SPIDR: variants seen among roughly 807,000 people sequenced by gnomAD.
SPIDR encodes DNA repair-scaffolding protein.
A neutral mutation model predicts 104.6 loss-of-function variants in SPIDR; 93 were observed. The ratio of observed to expected loss-of-function variants is 0.89; its 90% CI spans 0.75 to 1.06. The LOEUF is 1.06. SPIDR is among the 50% of genes least tolerant of loss of function. The pLI is 0.00. For missense variants in SPIDR, 1,154 were observed against 1,111.2 expected (o/e 1.04, Z -0.55); for synonymous variants, 431 against 416.9 (o/e 1.03, Z -0.41).
chr8:47,607,245 G>A (rs905145391), intron 10 of SPIDR, among the ~76,000 whole-genome samples: 8 of 152,130 alleles, frequency 5.3e-5, no homozygotes, highest in African/African-American at 1.9e-4. Flanking sequence ...TGATGCCATA[G>A]CCCATGCCTT....
Position 47,477,198 on chromosome 8 carries a change from G to A in SPIDR, c.1097+36656G>A, listed in dbSNP as rs538746345. 2.7e-4 allele frequency among the ~76,000 whole-genome samples: 40 copies of A among 150,576 alleles called. No homozygotes were observed. In the East Asian group the frequency reaches 2.9e-3, roughly 11 times the overall value. ...ACCAGAGTCTGTATATAGAAGATGC[G>A]CAATATATTTTTTTTTTTTGAGACA... On this transcript the variant is annotated intron_variant, in intron 8 of 19. Transcript: ENST00000297423.
At chr8:47,588,184 A>C (rs2060532160) in intron 8 of SPIDR, among the ~76,000 whole-genome samples, 1 of 147,094 alleles carries the variant, frequency 6.8e-6, no homozygotes, top group African/African-American at 2.5e-5. Flanking sequence ...TGGCATCTTT[A>C]TGATTTTGAG....
chr8:47,416,200 G>A lies in SPIDR; in HGVS notation c.877+8239G>A, dbSNP rs1209683329. Among the ~76,000 whole-genome samples, 5 of 152,160 alleles carry A rather than the reference G, an allele frequency of 3.3e-5. No individual in the cohort carries two copies. In the South Asian group the frequency reaches 8.3e-4, roughly 25 times the overall value. Reference sequence around the variant, plus strand: ...AGAGTTTGCAGTGAGCCGAGATGGCGCCACTGCACTCCAGCCTGGGTGACA... The same window carrying A: ...AGAGTTTGCAGTGAGCCGAGATGGCACCACTGCACTCCAGCCTGGGTGACA... On this transcript the variant is annotated intron_variant, in intron 7 of 19. Coordinates refer to ENST00000297423, the MANE Select transcript of SPIDR (RefSeq NM_001080394.4).
chr8:47,651,851 G>A (rs898482677), intron 10 of SPIDR, among the ~76,000 whole-genome samples: 1 of 152,126 alleles, frequency 6.6e-6, no homozygotes, highest in Non-Finnish European at 1.5e-5. Flanking sequence ...AGTAACTCAG[G>A]AATGGAAAAC....
At chr8:47,347,544 G>A (rs1259443648) in intron 5 of SPIDR, among the ~76,000 whole-genome samples, 4 of 152,094 alleles carry the variant, frequency 2.6e-5, no homozygotes, top group African/African-American at 9.7e-5. Context: ...ATTGACAGTG[G>A]GGTGTTAAAG....
At chr8:47,512,347 TGGTCCA>T (rs1428073934) in intron 8 of SPIDR, among the ~76,000 whole-genome samples, 3 of 152,220 alleles carry the variant, frequency 2.0e-5, no homozygotes, top group Non-Finnish European at 4.4e-5. Context: ...CTATGGTGAT[TGGTCCA>T]CTGAGGATTG....
chr8:47,588,787 G>A (rs914489282), intron 8 of SPIDR, among the ~76,000 whole-genome samples: 9 of 152,072 alleles, frequency 5.9e-5, no homozygotes, highest in Admixed American at 1.3e-4. Flanking sequence ...AAGGATGGAC[G>A]TTGAATTATG....
At chr8:47,261,071 G>A (rs550844011) in intron 1 of SPIDR, 80 bp downstream of exon 1, 1 of 1,215,120 alleles carries the variant, frequency 8.2e-7, no homozygotes, top group African/African-American at 1.6e-5. Context: ...GGCTGGCCCC[G>A]TTGTGCTGGG....
intron 19 of SPIDR, among the ~76,000 whole-genome samples, chr8:47,730,924 C>T (rs753099566): frequency 3.9e-5 from 6 of 152,182 alleles, no homozygotes; most frequent in Non-Finnish European, 8.8e-5. Flanking sequence ...TTGAGGATCA[C>T]AAGTGACTAT....
intron 1 of SPIDR, among the ~76,000 whole-genome samples, chr8:47,271,097 C>T (rs1292728862): frequency 1.3e-5 from 2 of 151,960 alleles, no homozygotes; most frequent in African/African-American, 4.8e-5. Flanking sequence ...TATTGAGGAT[C>T]CTTTGTATAT....
At chr8:47,617,232 G>T (rs966767108) in intron 10 of SPIDR, among the ~76,000 whole-genome samples, 1 of 152,110 alleles carries the variant, frequency 6.6e-6, no homozygotes, top group African/African-American at 2.4e-5. Flanking sequence ...AGAAAATTAA[G>T]CTATTTTTAA....
intron 5 of SPIDR, among the ~76,000 whole-genome samples, chr8:47,315,163 C>CA (rs1217222651): frequency 4.6e-5 from 7 of 151,988 alleles, no homozygotes; most frequent in African/African-American, 1.2e-4. Context: ...AAAACCTAGA[C>CA]AAAAAATCAG....
intron 8 of SPIDR, among the ~76,000 whole-genome samples, chr8:47,470,615 C>T (rs1554720320): frequency 1.3e-5 from 2 of 152,114 alleles, no homozygotes; most frequent in African/African-American, 4.8e-5. Flanking sequence ...TATGATCATT[C>T]AATATGAAGA....
chr8:47,328,129 A>G (rs1034672015), intron 5 of SPIDR, among the ~76,000 whole-genome samples: 2 of 152,064 alleles, frequency 1.3e-5, no homozygotes, highest in Admixed American at 6.6e-5. Flanking sequence ...GTCATATCTA[A>G]GAAACAATTG....
At chr8:47,291,258 G>T (rs1364088566) in intron 4 of SPIDR, 121 bp downstream of exon 4, 1 of 574,672 alleles carries the variant, frequency 1.7e-6, no homozygotes, top group Non-Finnish European at 2.9e-6. Flanking sequence ...TTAAATATTG[G>T]ATTTAATATT....
intron 11 of SPIDR, among the ~76,000 whole-genome samples, chr8:47,686,627 G>T (rs1039072119): frequency 1.3e-5 from 2 of 152,054 alleles, no homozygotes; most frequent in African/African-American, 4.8e-5. Flanking sequence ...TGTGAGCTGG[G>T]TCTTAAGACA....
chr8:47,426,998 G>GAA (rs2066517574), intron 7 of SPIDR, among the ~76,000 whole-genome samples: 1 of 152,072 alleles, frequency 6.6e-6, no homozygotes, highest in Non-Finnish European at 1.5e-5. Flanking sequence ...AAGCCTAAGA[G>GAA]AATAAAGTAT....
intron 5 of SPIDR, among the ~76,000 whole-genome samples, chr8:47,338,535 T>A (rs1257706173): frequency 6.6e-6 from 1 of 152,184 alleles, no homozygotes; most frequent in Non-Finnish European, 1.5e-5. Flanking sequence ...AATACTAGTG[T>A]TGTTGCCTTT....
At chr8:47,338,238 C>G (rs2050124090) in intron 5 of SPIDR, among the ~76,000 whole-genome samples, 1 of 152,170 alleles carries the variant, frequency 6.6e-6, no homozygotes, top group Non-Finnish European at 1.5e-5. Flanking sequence ...TAAGCTTGGC[C>G]TGAAGATTTC....
Sources: allele counts gnomAD v4.1 joint callset (sites outside exome capture counted in the v4.1 genomes callset), GRCh38; gene constraint gnomAD v4.1.1; transcripts MANE v1.5; gene names NCBI Gene and HGNC (gene_info 2026-07-23, HGNC 2026-07-21).